Variants in SLC6A11 observed in about 807,000 individuals in gnomAD.
SLC6A11 encodes sodium- and chloride-dependent GABA transporter 3.
In SLC6A11, 25 loss-of-function variants were observed where a neutral mutation model predicts 74.8. The ratio of observed to expected loss-of-function variants is 0.33; its 90% CI spans 0.24 to 0.47. The LOEUF (loss-of-function observed/expected upper bound fraction) is 0.47, where lower values mean the gene tolerates loss of function less well. Among genes scored for constraint, SLC6A11 ranks in the 20% least tolerant of loss-of-function variants. The pLI is 1.00. For synonymous variants in SLC6A11, 330 were observed against 330.2 expected (o/e 1.00, Z 0.01); for missense variants, 574 against 837.0 (o/e 0.69, Z 3.88).
chr3:10,863,514 G>A (rs781600006), intron 5 of SLC6A11, among the ~76,000 whole-genome samples: 1 of 152,222 alleles, frequency 6.6e-6, no homozygotes, highest in Non-Finnish European at 1.5e-5. Flanking sequence ...GAGTGCCAGA[G>A]GCTGGATGTG....
chr3:10,914,271 G>T (rs1695425923), intron 7 of SLC6A11, among the ~76,000 whole-genome samples: 1 of 152,152 alleles, frequency 6.6e-6, no homozygotes, highest in Non-Finnish European at 1.5e-5. Context: ...TCTGACTGGG[G>T]TCTCTCAGTG....
chr3:10,838,678 G>A (rs2106582044), intron 4 of SLC6A11, among the ~76,000 whole-genome samples: 1 of 152,332 alleles, frequency 6.6e-6, no homozygotes, highest in South Asian at 2.1e-4. Context: ...GAACCCAGGA[G>A]GTGGAGGTTG....
chr3:10,876,993 C>A (rs1694916813), intron 6 of SLC6A11, among the ~76,000 whole-genome samples: 2 of 152,114 alleles, frequency 1.3e-5, no homozygotes, highest in South Asian at 4.1e-4. Flanking sequence ...CTTTCTGGTC[C>A]TCAGTTTCTT....
intron 6 of SLC6A11, among the ~76,000 whole-genome samples, chr3:10,877,795 C>A (rs1351578878): frequency 2.6e-5 from 4 of 152,202 alleles, no homozygotes; most frequent in African/African-American, 9.6e-5. Context: ...CAACATTGGG[C>A]CTGCTCTGTT....
chr3:10,882,380 C>T (rs545459495), intron 6 of SLC6A11, among the ~76,000 whole-genome samples: 1 of 152,158 alleles, frequency 6.6e-6, no homozygotes, highest in Non-Finnish European at 1.5e-5. Context: ...TAAAATCTTA[C>T]CACCACCCCA....
In SLC6A11 at chr3:10,918,966, C is replaced by T. The variant is rs955948214; in HGVS notation, c.1120+513C>T. Among the ~76,000 whole-genome samples, 3 of 152,158 alleles carry T rather than the reference C, an allele frequency of 2.0e-5. No homozygotes were observed. Among genetic ancestry groups the T allele is most frequent in the Admixed American group, 2.0e-4 (3 of 15,288 alleles). On this transcript the variant is annotated intron_variant, in intron 8 of 13. Transcript: ENST00000254488. The surrounding 1 kb of genome is among the most constrained non-coding windows in gnomAD (Gnocchi z 4.5). ...GCTCCTGTGGCCCCACCAGCCTCAC[C>T]ACCTACGATTCCCCCACACTCACTC...
intron 6 of SLC6A11, among the ~76,000 whole-genome samples, chr3:10,885,596 A>AC (rs1559571426): frequency 0.22 from 24,648 of 111,720 alleles, 2,608 homozygotes; most frequent in East Asian, 0.34. Flanking sequence ...AGCCCCCATG[A>AC]TAAAAAAAAA....
chr3:10,819,147 A>C (rs1232036060), intron 1 of SLC6A11, among the ~76,000 whole-genome samples: 2 of 152,188 alleles, frequency 1.3e-5, no homozygotes, highest in Non-Finnish European at 2.9e-5. Context: ...GAAATGTAAA[A>C]AATTTTTTTT....
chr3:10,883,850 A>AC (rs1695011202), intron 6 of SLC6A11, among the ~76,000 whole-genome samples: 1 of 152,058 alleles, frequency 6.6e-6, no homozygotes, highest in Non-Finnish European at 1.5e-5. Flanking sequence ...AGTGGCCCTC[A>AC]CTGAGGTGGG....
intron 4 of SLC6A11, among the ~76,000 whole-genome samples, chr3:10,828,106 G>A (rs1165768193): frequency 6.6e-6 from 1 of 152,150 alleles, no homozygotes; most frequent in Non-Finnish European, 1.5e-5. Flanking sequence ...ACCCTCTGGT[G>A]GGATTGAATG....
At chr3:10,887,933 A>G (rs911890823) in intron 6 of SLC6A11, among the ~76,000 whole-genome samples, 2 of 152,258 alleles carry the variant, frequency 1.3e-5, no homozygotes, top group African/African-American at 4.8e-5. Context: ...AAGCCTCTTC[A>G]TTAAGAACCT....
intron 3 of SLC6A11, among the ~76,000 whole-genome samples, chr3:10,822,132 A>G (rs1181294588): frequency 6.6e-6 from 1 of 152,230 alleles, no homozygotes; most frequent in Admixed American, 6.5e-5. Flanking sequence ...GTGAAACATC[A>G]CACATAGGAG....
chr3:10,860,935 T>C (rs1471375695), intron 5 of SLC6A11, among the ~76,000 whole-genome samples: 1 of 152,216 alleles, frequency 6.6e-6, no homozygotes, highest in East Asian at 1.9e-4. Context: ...AATATGGGTC[T>C]TAAATTCAAG....
In SLC6A11 at chr3:10,873,553, C is replaced by CCTATCCTATCCTATCCTATCCTAT. The variant is rs1559566896; in HGVS notation, c.757-1407_757-1406insTATCCTATCCTATCCTATCCTATC. On this transcript the variant is annotated intron_variant, in intron 5 of 13. Coordinates refer to ENST00000254488, the MANE Select transcript of SLC6A11 (RefSeq NM_014229.3). ...TCCTGTCCTATCCTATCCTATCCTA[C>CCTATCCTATCCTATCCTATCCTAT]CCTACCCTACCCTACCCTACCCTAC... Among the ~76,000 whole-genome samples, 8 of 88,180 alleles carry CCTATCCTATCCTATCCTATCCTAT rather than the reference C, an allele frequency of 9.1e-5. No homozygotes were observed. The East Asian group carries it at 1.3e-3, about 14-fold the overall frequency. The allele number at this position is 88,180 out of a possible 152,430, so 57.8% of individuals were successfully genotyped here.
chr3:10,905,522 T>C (rs1429979345), intron 6 of SLC6A11, among the ~76,000 whole-genome samples: 1 of 152,262 alleles, frequency 6.6e-6, no homozygotes, highest in Non-Finnish European at 1.5e-5. Flanking sequence ...TAAACTTTTA[T>C]TGTGCTAAAA....
At chr3:10,891,771 A>G (rs1406678598) in intron 6 of SLC6A11, among the ~76,000 whole-genome samples, 3 of 152,056 alleles carry the variant, frequency 2.0e-5, no homozygotes, top group African/African-American at 4.8e-5. Context: ...CTTTGAGTCT[A>G]TTTGCTCATC....
At chr3:10,835,558 C>A (rs1454676841) in intron 4 of SLC6A11, among the ~76,000 whole-genome samples, 1 of 152,154 alleles carries the variant, frequency 6.6e-6, no homozygotes, top group African/African-American at 2.4e-5. Flanking sequence ...CTTTTAGATT[C>A]ACTCTCCTCC....
chr3:10,873,689 C>CATCCTATCCT (rs796960855), intron 5 of SLC6A11, among the ~76,000 whole-genome samples: 26,558 of 134,432 alleles, frequency 0.2, 2,957 homozygotes, highest in Non-Finnish European at 0.24. Context: ...TATCCCGTCC[C>CATCCTATCCT]ATCCTATCCT....
intron 6 of SLC6A11, among the ~76,000 whole-genome samples, chr3:10,906,570 C>T (rs1695305476): frequency 6.6e-6 from 1 of 152,186 alleles, no homozygotes; most frequent in South Asian, 2.1e-4. Context: ...GAGAACATCA[C>T]CTCAAATGAG....
Sources: allele counts gnomAD v4.1 joint callset (sites outside exome capture counted in the v4.1 genomes callset), GRCh38; gene constraint gnomAD v4.1.1; non-coding constraint Gnocchi (gnomAD v3.1); transcripts MANE v1.5; gene names NCBI Gene and HGNC (gene_info 2026-07-23, HGNC 2026-07-21).